The following TASP1 variants were observed in gnomAD, a reference collection of about 807,000 sequenced individuals.
The protein encoded by TASP1 is taspase 1, also known as threonine aspartase 1.
TASP1 carries 16 observed loss-of-function variants against 56.6 expected under a neutral mutation model. That is an observed-to-expected ratio of 0.28 (90% CI 0.19 to 0.43). TASP1 has a LOEUF of 0.43. Among genes scored for constraint, TASP1 ranks in the 20% least tolerant of loss-of-function variants. TASP1 has a pLI of 1.00. For missense variants in TASP1, 393 were observed against 511.6 expected (o/e 0.77, Z 2.24); for synonymous variants, 179 against 184.2 (o/e 0.97, Z 0.23).
At position 13,417,974 on chromosome 20, in the gene TASP1, G is replaced by A. The variant is rs146917999; in HGVS notation, c.1097-453C>T. 8.1e-3 allele frequency among the ~76,000 whole-genome samples: 1,241 copies of A among 152,286 alleles called. 18 individuals carry two copies. Among genetic ancestry groups the A allele is most frequent in the African/African-American group, 0.025 (1,021 of 41,552 alleles). On this transcript the variant is annotated intron_variant, in intron 12 of 13. Coordinates refer to ENST00000337743, the MANE Select transcript of TASP1 (RefSeq NM_017714.3). ...GTTGTCCAGGCTTGAGTGCAATGGC[G>A]CAATCCCAGCTCATTGCAGACTCTG... is the stretch of plus-strand genomic sequence containing the variant.
chr20:13,206,479 A>G, the TASP1 span, among the ~76,000 whole-genome samples: 1 of 152,246 alleles, frequency 6.6e-6, no homozygotes, highest in African/African-American at 2.4e-5. Context: ...CATAATAAAC[A>G]TTGATATCTT....
chr20:13,412,766 A>G (rs989221246), intron 13 of TASP1, among the ~76,000 whole-genome samples: 2 of 152,218 alleles, frequency 1.3e-5, no homozygotes, highest in Non-Finnish European at 2.9e-5. Context: ...TGGTATTACA[A>G]AAATCCTACT....
chr20:13,360,039 A>G, the TASP1 span, among the ~76,000 whole-genome samples: 1 of 151,880 alleles, frequency 6.6e-6, no homozygotes, highest in African/African-American at 2.4e-5. Flanking sequence ...CAATTCCCCC[A>G]TTTTACCTGT....
At chr20:13,210,627 G>A in the TASP1 span, among the ~76,000 whole-genome samples, 1 of 151,772 alleles carries the variant, frequency 6.6e-6, no homozygotes, top group Non-Finnish European at 1.5e-5. Context: ...GTGTGTGTGT[G>A]TGTGTGTGTG....
intron 13 of TASP1, among the ~76,000 whole-genome samples, chr20:13,407,961 A>G (rs1174671006): frequency 1.3e-5 from 2 of 152,144 alleles, no homozygotes; most frequent in Non-Finnish European, 2.9e-5. Context: ...ATGTTCTGGT[A>G]CAAGCTCCTC....
intron 11 of TASP1, among the ~76,000 whole-genome samples, chr20:13,439,029 G>A (rs1390887602): frequency 6.6e-6 from 1 of 152,190 alleles, no homozygotes; most frequent in East Asian, 1.9e-4. Flanking sequence ...GGGATGTGGA[G>A]AAATAGGAAG....
At chr20:13,411,620 G>C (rs2042096701) in intron 13 of TASP1, among the ~76,000 whole-genome samples, 1 of 152,170 alleles carries the variant, frequency 6.6e-6, no homozygotes, top group African/African-American at 2.4e-5. Context: ...ATTTTTACGT[G>C]TTGATTTTGT....
chr20:13,282,401 G>A, the TASP1 span, among the ~76,000 whole-genome samples: 3 of 152,168 alleles, frequency 2.0e-5, no homozygotes, highest in African/African-American at 7.2e-5. Context: ...ACTGAAGTTT[G>A]AAGACCACCA....
chr20:13,551,744 C>A (rs914577645), intron 8 of TASP1, among the ~76,000 whole-genome samples: 1 of 152,204 alleles, frequency 6.6e-6, no homozygotes, highest in African/African-American at 2.4e-5. Context: ...GAGTTAAACA[C>A]TTCATTCCAA....
the TASP1 span, among the ~76,000 whole-genome samples, chr20:13,129,553 G>A: frequency 1.3e-5 from 2 of 152,234 alleles, no homozygotes; most frequent in Admixed American, 1.3e-4. Flanking sequence ...AAAGACAAGT[G>A]ACTAGGAAAA....
chr20:13,110,090 T>G, the TASP1 span: 3 of 1,577,288 alleles, frequency 1.9e-6, no homozygotes, highest in South Asian at 3.5e-5. Flanking sequence ...GACTCAATTT[T>G]TTTTTTTGGT....
the TASP1 span, among the ~76,000 whole-genome samples, chr20:13,117,346 T>C: frequency 6.6e-6 from 1 of 152,232 alleles, no homozygotes; most frequent in African/African-American, 2.4e-5. Flanking sequence ...CAAGTGGCCT[T>C]ACAAGATTGA....
At chr20:13,217,587 CGT>C in the TASP1 span, among the ~76,000 whole-genome samples, 1 of 151,970 alleles carries the variant, frequency 6.6e-6, no homozygotes. Context: ...ACAAAATCTA[CGT>C]GAGAATAGTA....
intron 10 of TASP1, among the ~76,000 whole-genome samples, chr20:13,528,098 C>CTGTAA (rs1205386723): frequency 6.6e-6 from 1 of 151,516 alleles, no homozygotes; most frequent in Non-Finnish European, 1.5e-5. Context: ...TGGTGCACGC[C>CTGTAA]TGTAATCCCA....
chr20:13,607,289 C>T (rs1413670407), intron 4 of TASP1, among the ~76,000 whole-genome samples: 1 of 152,178 alleles, frequency 6.6e-6, no homozygotes, highest in Non-Finnish European at 1.5e-5. Context: ...CATGGAAACC[C>T]TTTCCTATTA....
chr20:13,419,152 A>T (rs1482893462), intron 12 of TASP1, among the ~76,000 whole-genome samples: 1 of 152,236 alleles, frequency 6.6e-6, no homozygotes, highest in Admixed American at 6.5e-5. Flanking sequence ...TATTTAGTAG[A>T]ATGGCCTTGT....
the TASP1 span, among the ~76,000 whole-genome samples, chr20:13,323,432 G>C: frequency 6.6e-6 from 1 of 152,182 alleles, no homozygotes; most frequent in Non-Finnish European, 1.5e-5. Flanking sequence ...CCATAACCCA[G>C]TGTGTTACCA....
intron 11 of TASP1, among the ~76,000 whole-genome samples, chr20:13,482,448 AT>A (rs1365633206): frequency 5.3e-5 from 8 of 152,126 alleles, no homozygotes; most frequent in Non-Finnish European, 8.8e-5. Flanking sequence ...GAAGAATGTC[AT>A]TTGTATTTTG....
Position 13,527,676 on chromosome 20 carries a change from T to C in TASP1, c.874+757A>G, listed in dbSNP as rs538913207. Among the ~76,000 whole-genome samples, 108 of 152,168 alleles carry C rather than the reference T, an allele frequency of 7.1e-4. 1 individual carries two copies. The highest frequency in any genetic ancestry group is 1.1e-3 in the Non-Finnish European group (74 of 68,004). The stretch of plus-strand genomic sequence containing the variant: ...ACTAAATGATAATGCCTTTACAATA[T>C]ACATATAAAAAGAAGACCTGTATTA... On this transcript the variant is annotated intron_variant, in intron 10 of 13. Coordinates refer to ENST00000337743, the MANE Select transcript of TASP1 (RefSeq NM_017714.3).
Sources: gnomAD v4.1 joint callset for allele counts (sites outside exome capture counted in the v4.1 genomes callset) on GRCh38, gnomAD v4.1.1 for gene constraint, MANE v1.5 for transcripts, NCBI Gene and HGNC (gene_info 2026-07-23, HGNC 2026-07-21) for gene names.